The following CFAP47 variants were observed in gnomAD, a reference collection of about 807,000 sequenced individuals.
The protein encoded by CFAP47 is cilia and flagella associated protein 47.
In CFAP47, 29 loss-of-function variants were observed where a neutral mutation model predicts 148.1. That is an observed-to-expected ratio of 0.20 (90% CI 0.15 to 0.27). The LOEUF (loss-of-function observed/expected upper bound fraction) is 0.27, where lower values mean the gene tolerates loss of function less well. CFAP47 is among the 10% of genes least tolerant of loss of function. The probability of loss-of-function intolerance (pLI) is 1.00; values close to 1 mark genes in which losing one functional copy is unlikely to be tolerated. For missense variants in CFAP47, 1,872 were observed against 1,697.5 expected, an observed-to-expected ratio of 1.10 and a Z score of -1.81; for synonymous variants, 664 against 577.3, an observed-to-expected ratio of 1.15 and a Z score of -2.15.
At chrX:36,101,573 C>T (rs1045998484) in intron 32 of CFAP47, among the ~76,000 whole-genome samples, 4 of 111,700 alleles carry the variant, frequency 3.6e-5, no homozygotes, top group Non-Finnish European at 5.6e-5. Context: ...GGTACACTAT[C>T]CTCATCTGGA....
Position 36,099,957 on chromosome X carries a change from G to T in CFAP47, c.5127+78G>T, listed in dbSNP as rs1405718848. The T allele has an allele frequency of 7.7e-6, 4 of 520,687 alleles. No individual in the cohort carries two copies. The East Asian group carries it at 1.1e-4, about 15-fold the overall frequency. 42.9% of individuals were successfully genotyped at this position (520,687 alleles called of 1,213,427 possible). On this transcript the variant is annotated intron_variant, in intron 32 of 63. Coordinates refer to ENST00000378653, the MANE Select transcript of CFAP47 (RefSeq NM_001304548.2). ...TGTTAATTAAAGTATAGACAATGCTGCTATGAAAGATTCAAAAACACAGTG... is the reference window on the plus strand; with the variant it reads ...TGTTAATTAAAGTATAGACAATGCTTCTATGAAAGATTCAAAAACACAGTG...
intron 15 of CFAP47, among the ~76,000 whole-genome samples, chrX:35,984,561 C>T (rs1295094097): frequency 9.0e-6 from 1 of 111,021 alleles, no homozygotes; most frequent in Non-Finnish European, 1.9e-5. Context: ...TAATTTGAGA[C>T]CTTTCTAAGT....
At chrX:36,032,870 G>A (rs1937296675) in intron 23 of CFAP47, among the ~76,000 whole-genome samples, 1 of 111,328 alleles carries the variant, frequency 9.0e-6, no homozygotes, top group South Asian at 3.8e-4. Flanking sequence ...TAACATGAGT[G>A]GTTAAAAGCA....
At chrX:35,924,105 A>G (rs1361999603) in intron 1 of CFAP47, among the ~76,000 whole-genome samples, 5 of 101,341 alleles carry the variant, frequency 4.9e-5, no homozygotes, top group South Asian at 4.3e-4. Flanking sequence ...ATATATGTAT[A>G]TATGTACATG....
At chrX:35,978,230 TAA>T (rs1283336245) in intron 15 of CFAP47, among the ~76,000 whole-genome samples, 1 of 112,124 alleles carries the variant, frequency 8.9e-6, no homozygotes, top group Non-Finnish European at 1.9e-5. Flanking sequence ...GATATTGTGC[TAA>T]GAGTGTTAAA....
chrX:36,316,581 T>C (rs1556011012), intron 56 of CFAP47, among the ~76,000 whole-genome samples: 1 of 112,246 alleles, frequency 8.9e-6, no homozygotes, highest in African/African-American at 3.2e-5. Flanking sequence ...TATATTAGTT[T>C]CTAAGAAAAC....
chrX:36,182,511 ATACT>A (rs1939762057), intron 40 of CFAP47, among the ~76,000 whole-genome samples: 1 of 111,929 alleles, frequency 8.9e-6, no homozygotes, highest in Non-Finnish European at 1.9e-5. Context: ...TAATAAAATA[ATACT>A]TAGTAACGTT....
At chrX:36,131,223 A>T (rs1938942540) in intron 33 of CFAP47, among the ~76,000 whole-genome samples, 1 of 111,130 alleles carries the variant, frequency 9.0e-6, no homozygotes, top group Admixed American at 9.6e-5. Flanking sequence ...AAATTTTTTG[A>T]ATTTAAAAAA....
chrX:36,016,944 T>C (rs770030680), intron 22 of CFAP47, among the ~76,000 whole-genome samples: 28 of 110,827 alleles, frequency 2.5e-4, no homozygotes, highest in Non-Finnish European at 4.9e-4. Context: ...CATTTTCATG[T>C]GTCTGTTTGC....
chrX:36,175,798 C>T (rs1453362601), intron 39 of CFAP47, among the ~76,000 whole-genome samples: 54 of 113,375 alleles, frequency 4.8e-4, no homozygotes, highest in African/African-American at 1.7e-3. Flanking sequence ...CAGAGGCAGG[C>T]AGGCCTCCTT....
At position 36,379,489 on chromosome X, in the gene CFAP47, A is replaced by T; in HGVS notation, c.9325A>T (p.Arg3109Trp). The T allele has an allele frequency of 8.6e-7, 1 of 1,163,988 alleles. No individual in the cohort carries two copies. Among genetic ancestry groups the T allele is most frequent in the Non-Finnish European group, 1.2e-6 (1 of 869,395 alleles). The change falls in exon 63 of 64, where the codon AGG becomes TGG. Residue 3109 changes from arginine (R) to tryptophan (W), a missense_variant. Arg to Trp is a moderately radical substitution (Grantham distance 101). Transcript: ENST00000378653. Reference sequence around the variant, plus strand: ...AGGATTTAAACCTAAAATGTACTGTAGGAAATATAAAGCAACATTAGTAAT... The same window carrying T: ...AGGATTTAAACCTAAAATGTACTGTTGGAAATATAAAGCAACATTAGTAAT... ...TVGFKPKMYC[R>W]KYKATLVIQT...
In CFAP47 at chrX:35,921,994, T is replaced by C. The variant is rs761503434; in HGVS notation, c.249+1946T>C. Among the ~76,000 whole-genome samples, 7 of 111,581 alleles carry C rather than the reference T, an allele frequency of 6.3e-5. No individual in the cohort carries two copies. In the East Asian group the frequency reaches 2.0e-3, roughly 31 times the overall value. ...AAATAAGAAGACACATACTTTATCTTCAAAGAAAATATAATTGATAGTACT... is the reference window on the plus strand; with the variant it reads ...AAATAAGAAGACACATACTTTATCTCCAAAGAAAATATAATTGATAGTACT... On this transcript the variant is annotated intron_variant, in intron 1 of 63. Transcript: ENST00000378653.
At chrX:36,167,092 T>C (rs1294928866) in intron 39 of CFAP47, among the ~76,000 whole-genome samples, 2 of 111,934 alleles carry the variant, frequency 1.8e-5, no homozygotes, top group Non-Finnish European at 3.8e-5. Context: ...TCTAGCAGTC[T>C]CCTTCACCAG....
intron 51 of CFAP47, among the ~76,000 whole-genome samples, chrX:36,297,982 A>G (rs1556007138): frequency 1.8e-5 from 2 of 110,046 alleles, no homozygotes; most frequent in African/African-American, 3.3e-5. Context: ...TAGTCCAACC[A>G]TTGTGGAAGT....
intron 39 of CFAP47, among the ~76,000 whole-genome samples, chrX:36,164,571 A>T (rs1406202108): frequency 9.0e-6 from 1 of 111,343 alleles, no homozygotes; most frequent in African/African-American, 3.3e-5. Flanking sequence ...TGTCTCCTTT[A>T]TATAGCATAT....
chrX:36,353,547 C>T lies in CFAP47; in HGVS notation c.8717C>T (p.Ser2906Phe). Residue 2906 changes from serine to phenylalanine, a missense_variant, in exon 60 of 64, where the codon TCC becomes TTC. Transcript: ENST00000378653. ...KSPPVVIQCQSRKRAEEKVEI... is the reference protein window; with the variant it reads ...KSPPVVIQCQFRKRAEEKVEI... ...CCTGCAGTTGTCATACAATGTCAGT[C>T]CAGGAAGCGGGCAGAAGAGAAGGTA... is the stretch of plus-strand genomic sequence containing the variant. 1.7e-6 allele frequency: 2 copies of T among 1,164,249 alleles called. No homozygotes were observed. Among genetic ancestry groups the T allele is most frequent in the Non-Finnish European group, 2.3e-6 (2 of 870,752 alleles).
Position 36,169,351 on chromosome X carries a change from TG to T in CFAP47, c.6026+8583del, listed in dbSNP as rs751017043. Reference sequence around the variant, plus strand: ...AAGTATTCATTCTTTATTTTTAAAATGTTTTTTTTTTTTACCTCTTTCTCTC... The same window carrying T: ...AAGTATTCATTCTTTATTTTTAAAATTTTTTTTTTTTTACCTCTTTCTCTC... On this transcript the variant is annotated intron_variant, in intron 39 of 63. Coordinates refer to ENST00000378653, the MANE Select transcript of CFAP47 (RefSeq NM_001304548.2). Among the ~76,000 whole-genome samples the T allele has an allele frequency of 3.7e-3, 414 of 110,482 alleles. 2 individuals are homozygous for T. Among genetic ancestry groups the T allele is most frequent in the African/African-American group, 0.012 (355 of 30,459 alleles).
chrX:36,138,320 A>G (rs1939079946), intron 34 of CFAP47, 28 bp from the exon 35 acceptor site: 2 of 1,085,447 alleles, frequency 1.8e-6, no homozygotes, highest in African/African-American at 4.3e-5. Context: ...TTCCATTACC[A>G]AAAGGTTTGA....
intron 37 of CFAP47, among the ~76,000 whole-genome samples, chrX:36,149,543 A>C (rs1032010792): frequency 9.1e-6 from 1 of 110,116 alleles, no homozygotes; most frequent in African/African-American, 3.3e-5. Context: ...AAACCAGTGC[A>C]TTCTAAAAGT....
Sources: gnomAD v4.1 joint callset for allele counts (sites outside exome capture counted in the v4.1 genomes callset) on GRCh38, gnomAD v4.1.1 for gene constraint, MANE v1.5 for transcripts, NCBI Gene and HGNC (gene_info 2026-07-23, HGNC 2026-07-21) for gene names.